Variants in PTGFRN observed in about 807,000 individuals in gnomAD.
PTGFRN encodes the protein prostaglandin F2 receptor inhibitor, also known as prostaglandin F2 receptor negative regulator.
In PTGFRN, 35 loss-of-function variants were observed where a neutral mutation model predicts 83.2. That is an observed-to-expected ratio of 0.42 (90% CI 0.32 to 0.56). The LOEUF (loss-of-function observed/expected upper bound fraction) is 0.56. Ranked by LOEUF, PTGFRN falls within the 20% of genes least tolerant of loss-of-function variation. The pLI, the probability that PTGFRN is intolerant of heterozygous loss-of-function variation, is 0.11. For missense variants in PTGFRN, 1,051 were observed against 1,179.5 expected, an observed-to-expected ratio of 0.89 and a Z score of 1.60; for synonymous variants, 519 against 498.6, an observed-to-expected ratio of 1.04 and a Z score of -0.55.
chr1:116,972,986 C>T (rs373737429), intron 6 of PTGFRN, among the ~76,000 whole-genome samples: 41 of 152,260 alleles, frequency 2.7e-4, no homozygotes, highest in African/African-American at 8.4e-4. Context: ...GACAGTGGCA[C>T]GATCTTGACT....
At position 116,966,972 on chromosome 1, in the gene PTGFRN, T is replaced by G. The variant is rs1262900022; in HGVS notation, c.1701T>G (p.Phe567Leu). 1 of 1,613,678 alleles carries G rather than the reference T, an allele frequency of 6.2e-7. No individual in the cohort carries two copies. The highest frequency in any genetic ancestry group is 2.2e-5 in the East Asian group (1 of 44,856). Residue 567 changes from phenylalanine (F) to leucine (L), a missense_variant, in exon 6 of 9, where the codon TTT becomes TTG. Transcript: ENST00000393203. ...PKPFFAAGNT[F>L]EMTCKVSSKN... Reference sequence around the variant, plus strand: ...CTTTCTTTGCTGCCGGAAATACATTTGAGATGACTTGCAAAGTATCTTCCA... The same window carrying G: ...CTTTCTTTGCTGCCGGAAATACATTGGAGATGACTTGCAAAGTATCTTCCA...
rs748854692 is a variant in PTGFRN at position 116,986,877 on chromosome 1, C to T, written c.2550C>T (p.Ile850=). The change falls in exon 9 of 9, where the codon ATC becomes ATT. Residue 850 remains isoleucine (I), a synonymous_variant. Transcript: ENST00000393203. ...TCATCGGGCTCCTGTCCTGTCTCAT[C>T]GGGTACTGCAGCTCCCACTGGTGTT... ...STVIGLLSCL[I]GYCSSHWCCK... is the part of the protein sequence containing the mutation. The T allele has an allele frequency of 8.1e-6, 13 of 1,614,222 alleles. No homozygotes were observed. The highest frequency in any genetic ancestry group is 6.7e-5 in the East Asian group (3 of 44,874).
chr1:116,915,242 G>A (rs2254224), intron 1 of PTGFRN, among the ~76,000 whole-genome samples: 31,077 of 152,162 alleles, frequency 0.2, 7,398 homozygotes, highest in African/African-American at 0.58. Context: ...AGGATCCAGG[G>A]TTAGTGCAGC....
intron 1 of PTGFRN, 86 bp downstream of exon 1, chr1:116,910,338 T>C: frequency 8.5e-7 from 1 of 1,180,440 alleles, no homozygotes; most frequent in Non-Finnish European, 1.1e-6. Context: ...GCGCGCGGCC[T>C]GGGGCGCCGA....
rs745837734 is a variant in PTGFRN, at chr1:116,987,131, G to A, written c.*164G>A. 103 of 749,384 alleles carry A rather than the reference G, an allele frequency of 1.4e-4. No individual in the cohort carries two copies. The South Asian group carries it at 1.5e-3, about 11-fold the overall frequency. The allele number at this position is 749,384 out of a possible 1,614,324, so 46.4% of individuals were successfully genotyped here. The stretch of plus-strand genomic sequence containing the variant: ...TTTCTGCATGTCAAGTTCTGAGCGC[G>A]GACATGTTTACCAGCACACGGCTCT... On this transcript the variant is annotated 3_prime_UTR_variant, in exon 9 of 9. Transcript: ENST00000393203.
chr1:116,986,223 G>T (rs935245099), intron 8 of PTGFRN, among the ~76,000 whole-genome samples: 2 of 152,220 alleles, frequency 1.3e-5, no homozygotes, highest in Non-Finnish European at 2.9e-5. Flanking sequence ...GGGATTTCAA[G>T]GGTGGAGTCT....
chr1:116,957,223 G>A (rs1181976804), intron 4 of PTGFRN, among the ~76,000 whole-genome samples: 3 of 151,706 alleles, frequency 2.0e-5, no homozygotes, highest in African/African-American at 4.8e-5. Flanking sequence ...AGGTGAATTC[G>A]GTTGTGAGCG....
Position 116,929,599 on chromosome 1 carries a change from C to G in PTGFRN, c.50-12116C>G, listed in dbSNP as rs571601869. The stretch of plus-strand genomic sequence containing the variant: ...TGTCTGGAGCAGTTTTGCCCCAGAG[C>G]TTCAATCACTGTCTCTTCGTCATTC... On this transcript the variant is annotated intron_variant, in intron 1 of 8. Coordinates refer to ENST00000393203, the MANE Select transcript of PTGFRN (RefSeq NM_020440.4). Among the ~76,000 whole-genome samples, 91 of 152,334 alleles carry G rather than the reference C, an allele frequency of 6.0e-4. 1 individual carries two copies. The highest frequency in any genetic ancestry group is 7.2e-4 in the Non-Finnish European group (49 of 68,034).
chr1:116,961,390 G>A lies in PTGFRN; in HGVS notation c.1361G>A (p.Arg454His), dbSNP rs915402829. 4.3e-6 allele frequency: 7 copies of A among 1,612,642 alleles called. No homozygotes were observed. The African/African-American group carries it at 6.7e-5, about 15-fold the overall frequency. Residue 454 changes from arginine to histidine, a missense_variant, in exon 5 of 9, where the codon CGC becomes CAC. Physicochemically the swap from Arg to His is conservative, Grantham distance 29 (BLOSUM62 0). Around this residue, in one of 3 missense-constraint regions of PTGFRN, gnomAD observed 719 missense variants for 836.6 expected, o/e 0.86. Coordinates refer to ENST00000393203, the MANE Select transcript of PTGFRN (RefSeq NM_020440.4). The surrounding 1 kb of genome is among the most constrained non-coding windows in gnomAD (Gnocchi z 5.4). Reference sequence around the variant, plus strand: ...TCGTGGTACTACAGGATGAACCGGCGCAGCGACAATGTGGTGACCAGCGAG... The same window carrying A: ...TCGTGGTACTACAGGATGAACCGGCACAGCGACAATGTGGTGACCAGCGAG... ...TVSWYYRMNRRSDNVVTSELL... is the reference protein window; with the variant it reads ...TVSWYYRMNRHSDNVVTSELL...
At chr1:116,963,159 C>G (rs1650720970) in intron 5 of PTGFRN, among the ~76,000 whole-genome samples, 1 of 152,250 alleles carries the variant, frequency 6.6e-6, no homozygotes, top group Non-Finnish European at 1.5e-5. Context: ...AACATTCAAA[C>G]ATGTTGACTG....
At chr1:116,959,442 C>T (rs1015328409) in intron 4 of PTGFRN, among the ~76,000 whole-genome samples, 1 of 152,142 alleles carries the variant, frequency 6.6e-6, no homozygotes, top group African/African-American at 2.4e-5. Context: ...ATTTTCTGGT[C>T]CACTGAATCA....
At chr1:116,965,173 G>A (rs1650788611) in intron 5 of PTGFRN, among the ~76,000 whole-genome samples, 1 of 152,140 alleles carries the variant, frequency 6.6e-6, no homozygotes, top group Non-Finnish European at 1.5e-5. Flanking sequence ...AGTGTGCTCC[G>A]GCCTTGTAGC....
chr1:116,921,247 G>A (rs1649528883), intron 1 of PTGFRN, among the ~76,000 whole-genome samples: 1 of 152,124 alleles, frequency 6.6e-6, no homozygotes. Context: ...TATTTTTGAG[G>A]CTTATCCCTT....
At chr1:116,969,933 A>G (rs1192588532) in intron 6 of PTGFRN, among the ~76,000 whole-genome samples, 1 of 152,106 alleles carries the variant, frequency 6.6e-6, no homozygotes, top group East Asian at 1.9e-4. Context: ...GGTTTTGTAT[A>G]TTGATCTTGT....
At chr1:116,975,105 G>A (rs1350387675) in intron 7 of PTGFRN, among the ~76,000 whole-genome samples, 25 of 152,234 alleles carry the variant, frequency 1.6e-4, no homozygotes, top group Non-Finnish European at 1.5e-5. Flanking sequence ...AGGGTCCCAT[G>A]CCCACAGAGC....
In PTGFRN at chr1:116,952,690, C is replaced by G. The variant is rs531105962; in HGVS notation, c.1213+3118C>G. Reference sequence around the variant, plus strand: ...CCTCTGAGGAAGGAAAACATTAACTCTTTCAGCAAGACAAACTTTCTCTTG... The same window carrying G: ...CCTCTGAGGAAGGAAAACATTAACTGTTTCAGCAAGACAAACTTTCTCTTG... On this transcript the variant is annotated intron_variant, in intron 4 of 8. Transcript: ENST00000393203. The surrounding 1 kb of genome is among the most constrained non-coding windows in gnomAD (Gnocchi z 4.0). 3.9e-5 allele frequency among the ~76,000 whole-genome samples: 6 copies of G among 152,310 alleles called. No homozygotes were observed. Among genetic ancestry groups the G allele is most frequent in the Admixed American group, 3.9e-4 (6 of 15,294 alleles).
intron 6 of PTGFRN, among the ~76,000 whole-genome samples, chr1:116,972,215 C>T (rs1651023199): frequency 6.6e-6 from 1 of 152,182 alleles, no homozygotes; most frequent in Non-Finnish European, 1.5e-5. Flanking sequence ...GGGATGATGT[C>T]CAGAAGTAGG....
rs368836404 is a variant in PTGFRN at position 116,984,592 on chromosome 1, G to A, written c.2168-88G>A. ...GCATGTAGTGTTGTGCTTGCCATAC[G>A]TAGTAAGGGCCTCATACATGGATGT... On this transcript the variant is annotated intron_variant, in intron 7 of 8. Coordinates refer to ENST00000393203, the MANE Select transcript of PTGFRN (RefSeq NM_020440.4). The A allele has an allele frequency of 6.4e-5, 83 of 1,300,808 alleles. No homozygotes were observed. The African/African-American group carries it at 6.9e-4, about 11-fold the overall frequency. The allele number at this position is 1,300,808 out of a possible 1,614,324, so 80.6% of individuals were successfully genotyped here.
intron 1 of PTGFRN, among the ~76,000 whole-genome samples, chr1:116,933,955 A>G (rs1004582661): frequency 1.3e-5 from 2 of 152,144 alleles, no homozygotes; most frequent in Admixed American, 6.5e-5. Flanking sequence ...CTTAGCCATT[A>G]TCTCTTCAAA....
Sources: allele counts gnomAD v4.1 joint callset (sites outside exome capture counted in the v4.1 genomes callset), GRCh38; gene constraint gnomAD v4.1.1; regional missense constraint gnomAD v4.1.1; non-coding constraint Gnocchi (gnomAD v3.1); transcripts MANE v1.5; gene names NCBI Gene and HGNC (gene_info 2026-07-23, HGNC 2026-07-21).